Variants in ATP8A1 observed in about 807,000 individuals in gnomAD.
The protein encoded by ATP8A1 is ATPase phospholipid transporting 8A1.
In ATP8A1, 90 loss-of-function variants were observed where a neutral mutation model predicts 177.7. That is an observed-to-expected ratio of 0.51 (90% CI 0.43 to 0.60). The LOEUF is 0.60. Ranked by LOEUF, ATP8A1 falls within the 20% of genes least tolerant of loss-of-function variation. The pLI, the probability that ATP8A1 is intolerant of heterozygous loss-of-function variation, is 0.00. For missense variants in ATP8A1, 1,072 were observed against 1,392.8 expected, an observed-to-expected ratio of 0.77 and a Z score of 3.67; for synonymous variants, 493 against 485.9, an observed-to-expected ratio of 1.01 and a Z score of -0.19.
At chr4:42,427,042 G>A (rs1384148533) in intron 33 of ATP8A1, among the ~76,000 whole-genome samples, 1 of 152,162 alleles carries the variant, frequency 6.6e-6, no homozygotes, top group African/African-American at 2.4e-5. Context: ...AACTTCCAGA[G>A]TAGTTGCGTT....
At chr4:42,622,171 T>C (rs1038618707) in intron 4 of ATP8A1, among the ~76,000 whole-genome samples, 8 of 150,674 alleles carry the variant, frequency 5.3e-5, no homozygotes, top group Non-Finnish European at 5.9e-5. Context: ...AGGTCAGAAG[T>C]TCAAGACCAG....
At chr4:42,458,930 C>T (rs761551105) in intron 27 of ATP8A1, among the ~76,000 whole-genome samples, 2 of 152,178 alleles carry the variant, frequency 1.3e-5, no homozygotes, top group African/African-American at 4.8e-5. Context: ...AGGAGAGATT[C>T]GAGACTGGCA....
At chr4:42,470,372 A>AT (rs1720265620) in intron 25 of ATP8A1, among the ~76,000 whole-genome samples, 5 of 152,232 alleles carry the variant, frequency 3.3e-5, no homozygotes, top group Non-Finnish European at 5.9e-5. Context: ...GCTAAGAAGT[A>AT]TATAGGTGGT....
chr4:42,471,024 T>C (rs1404414235), intron 25 of ATP8A1, among the ~76,000 whole-genome samples: 1 of 151,896 alleles, frequency 6.6e-6, no homozygotes, highest in Non-Finnish European at 1.5e-5. Context: ...ATTTGGCAGG[T>C]TCATTTATAA....
At chr4:42,559,974 G>A (rs1421764288) in intron 15 of ATP8A1, among the ~76,000 whole-genome samples, 1 of 152,148 alleles carries the variant, frequency 6.6e-6, no homozygotes. Flanking sequence ...CCAAAGTGCT[G>A]GTATTACAGG....
At chr4:42,545,019 GC>G (rs924512968) in intron 19 of ATP8A1, among the ~76,000 whole-genome samples, 13 of 152,026 alleles carry the variant, frequency 8.6e-5, no homozygotes, top group African/African-American at 2.2e-4. Context: ...AATTAGCCAG[GC>G]ATGGTATCAC....
intron 16 of ATP8A1, 27 bp downstream of exon 16, chr4:42,555,939 CAA>C: frequency 6.7e-7 from 1 of 1,502,230 alleles, no homozygotes; most frequent in Non-Finnish European, 9.2e-7. Flanking sequence ...TATTCACTAA[CAA>C]AAAGACAATG....
chr4:42,413,127 C>A, intron 36 of ATP8A1, 114 bp from the exon 37 acceptor site: 1 of 761,190 alleles, frequency 1.3e-6, no homozygotes, highest in Non-Finnish European at 2.2e-6. Context: ...TTCCCACATT[C>A]AAAAGCATGG....
rs1741725825 is a variant in ATP8A1 at position 42,657,085 on chromosome 4, C to G, written c.-212G>C. On this transcript the variant is annotated 5_prime_UTR_variant, in exon 1 of 37. Coordinates refer to ENST00000381668, the MANE Select transcript of ATP8A1 (RefSeq NM_006095.2). ...CGGTGGCGGCGAAGGTGGCGGCGCCCGCAGAGCTGGGCGAGCTCTTGCTGC... is the reference window on the plus strand; with the variant it reads ...CGGTGGCGGCGAAGGTGGCGGCGCCGGCAGAGCTGGGCGAGCTCTTGCTGC... 2.9e-5 allele frequency: 12 copies of G among 417,880 alleles called. No individual in the cohort carries two copies. In the East Asian group the frequency reaches 4.1e-4, roughly 14 times the overall value. The allele number at this position is 417,880 out of a possible 1,614,324, so 25.9% of individuals were successfully genotyped here. A position where few individuals can be genotyped will look rare whatever the true frequency, so the allele number is the denominator to read the frequency against.
chr4:42,629,356 G>A lies in ATP8A1; in HGVS notation c.50-2247C>T, dbSNP rs1041032638. Among the ~76,000 whole-genome samples, 5 of 152,312 alleles carry A rather than the reference G, an allele frequency of 3.3e-5. No individual in the cohort carries two copies. The South Asian group carries it at 1.0e-3, about 32-fold the overall frequency. ...AGCACAGGATTTCACAGACAACATA[G>A]GCTTTCTTTACCCAGGCATTACAGA... On this transcript the variant is annotated intron_variant, in intron 1 of 36. Transcript: ENST00000381668.
intron 1 of ATP8A1, among the ~76,000 whole-genome samples, chr4:42,651,121 T>C (rs1456946229): frequency 2.6e-5 from 4 of 152,184 alleles, no homozygotes; most frequent in African/African-American, 9.7e-5. Flanking sequence ...CCTGCTGCCA[T>C]CCATGTAAGA....
chr4:42,429,265 A>C (rs1714984980), intron 33 of ATP8A1, among the ~76,000 whole-genome samples: 3 of 152,246 alleles, frequency 2.0e-5, no homozygotes, highest in Admixed American at 1.3e-4. Flanking sequence ...TTTCTGTTGA[A>C]GGTTGACGAG....
intron 20 of ATP8A1, among the ~76,000 whole-genome samples, chr4:42,541,406 CTCAT>C (rs1304418107): frequency 2.0e-5 from 3 of 152,156 alleles, no homozygotes; most frequent in Non-Finnish European, 4.4e-5. Flanking sequence ...AACAAAAGCT[CTCAT>C]TAATTGCTAA....
At chr4:42,638,889 G>A (rs921852126) in intron 1 of ATP8A1, among the ~76,000 whole-genome samples, 2 of 152,096 alleles carry the variant, frequency 1.3e-5, no homozygotes, top group African/African-American at 2.4e-5. Context: ...CAGGAAACAA[G>A]GCAGACTGAC....
At chr4:42,523,672 C>T (rs1032804490) in intron 21 of ATP8A1, among the ~76,000 whole-genome samples, 1 of 152,114 alleles carries the variant, frequency 6.6e-6, no homozygotes, top group Admixed American at 6.6e-5. Context: ...AGTTGAGTAT[C>T]TTTAACATCA....
chr4:42,621,455 T>C (rs1052080163), intron 4 of ATP8A1, among the ~76,000 whole-genome samples: 9 of 152,186 alleles, frequency 5.9e-5, no homozygotes, highest in Admixed American at 2.6e-4. Flanking sequence ...TAACAGATTG[T>C]CCTCTCAGAC....
intron 22 of ATP8A1, among the ~76,000 whole-genome samples, chr4:42,507,664 G>C (rs1208061348): frequency 2.8e-5 from 4 of 142,090 alleles, no homozygotes; most frequent in Non-Finnish European, 6.1e-5. Context: ...GGGAGGCAGG[G>C]GTTGCAGGTG....
intron 24 of ATP8A1, among the ~76,000 whole-genome samples, chr4:42,499,584 A>G (rs1723611375): frequency 6.6e-6 from 1 of 152,228 alleles, no homozygotes; most frequent in African/African-American, 2.4e-5. Flanking sequence ...TTTAGATGAA[A>G]TTGTGGTGAA....
intron 22 of ATP8A1, 83 bp downstream of exon 22, chr4:42,522,077 T>C: frequency 6.8e-7 from 1 of 1,480,934 alleles, no homozygotes; most frequent in East Asian, 2.3e-5. Context: ...TATTTTGATT[T>C]TTATTCCATT....
Sources: gnomAD v4.1 joint callset for allele counts (sites outside exome capture counted in the v4.1 genomes callset) on GRCh38, gnomAD v4.1.1 for gene constraint, MANE v1.5 for transcripts, NCBI Gene and HGNC (gene_info 2026-07-23, HGNC 2026-07-21) for gene names.